Variants in TMPRSS12 observed in about 807,000 individuals in gnomAD.
TMPRSS12 encodes the protein transmembrane serine protease 12, also known as transmembrane protease serine 12.
TMPRSS12 carries 25 observed loss-of-function variants against 26.0 expected under a neutral mutation model. The observed-to-expected ratio is 0.96, with a 90% confidence interval of 0.70 to 1.34. The LOEUF (loss-of-function observed/expected upper bound fraction) is 1.34. TMPRSS12 is among the 40% of genes most tolerant of loss of function. The pLI is 0.00. For synonymous variants in TMPRSS12, 150 were observed against 161.7 expected (o/e 0.93, Z 0.55); for missense variants, 441 against 440.1 (o/e 1.00, Z -0.02).
chr12:50,845,241 C>A (rs1222431384), intron 2 of TMPRSS12, among the ~76,000 whole-genome samples: 1 of 152,172 alleles, frequency 6.6e-6, no homozygotes, highest in African/African-American at 2.4e-5. Flanking sequence ...TCTCAGTTCC[C>A]ATCCTTTTTG....
In TMPRSS12 at chr12:50,887,558, T is replaced by C; in HGVS notation, c.*45T>C. ...ATATCTTTATTTTGCATTGTGTCCC[T>C]TTCTATGTTCTATATAATGAACATC... On this transcript the variant is annotated 3_prime_UTR_variant, in exon 5 of 5. Transcript: ENST00000398458. 1.3e-6 allele frequency: 2 copies of C among 1,583,484 alleles called. No individual in the cohort carries two copies. Among genetic ancestry groups the C allele is most frequent in the South Asian group, 1.2e-5 (1 of 84,722 alleles).
intron 2 of TMPRSS12, among the ~76,000 whole-genome samples, chr12:50,846,441 A>G (rs1413197132): frequency 6.6e-6 from 1 of 152,228 alleles, no homozygotes; most frequent in African/African-American, 2.4e-5. Flanking sequence ...TTGAAAATCA[A>G]TTGATCATAT....
At position 50,842,931 on chromosome 12, in the gene TMPRSS12, G is replaced by A; in HGVS notation, c.-34G>A. Reference sequence around the variant, plus strand: ...CCCGCGTGCCCAGGGCGGGTGGGAAGTACCTGCCGCCATCTTGCTCACCAG... The same window carrying A: ...CCCGCGTGCCCAGGGCGGGTGGGAAATACCTGCCGCCATCTTGCTCACCAG... On this transcript the variant is annotated 5_prime_UTR_variant, in exon 1 of 5. Coordinates refer to ENST00000398458, the MANE Select transcript of TMPRSS12 (RefSeq NM_182559.3). The A allele has an allele frequency of 6.5e-7, 1 of 1,536,682 alleles. No individual in the cohort carries two copies. Among genetic ancestry groups the A allele is most frequent in the Non-Finnish European group, 8.8e-7 (1 of 1,136,482 alleles).
At chr12:50,872,519 CAAAAAAAAA>C in intron 3 of TMPRSS12, among the ~76,000 whole-genome samples, 1 of 39,840 alleles carries the variant, frequency 2.5e-5, no homozygotes, top group Admixed American at 3.3e-4. Flanking sequence ...GACTCCGTCT[CAAAAAAAAA>C]AAAAAAAAAA....
At chr12:50,865,675 A>G (rs1937984243) in intron 3 of TMPRSS12, among the ~76,000 whole-genome samples, 1 of 150,342 alleles carries the variant, frequency 6.7e-6, no homozygotes. Context: ...CCTTTCATAC[A>G]TTATACTGAA....
intron 3 of TMPRSS12, among the ~76,000 whole-genome samples, chr12:50,862,126 C>CA (rs1937942057): frequency 6.6e-6 from 1 of 152,128 alleles, no homozygotes; most frequent in South Asian, 2.1e-4. Flanking sequence ...TCATCTTTCA[C>CA]AATGTCATAC....
intron 2 of TMPRSS12, chr12:50,848,374 C>T (rs2139719760): frequency 6.6e-6 from 1 of 152,308 alleles, no homozygotes; most frequent in East Asian, 1.9e-4. Context: ...AAGAACCAGT[C>T]ATGGTCTTTA....
At chr12:50,863,337 G>A (rs552777298) in intron 3 of TMPRSS12, among the ~76,000 whole-genome samples, 5 of 151,690 alleles carry the variant, frequency 3.3e-5, no homozygotes, top group African/African-American at 1.2e-4. Context: ...TGCTAAACGT[G>A]TGTACACCAA....
intron 3 of TMPRSS12, among the ~76,000 whole-genome samples, chr12:50,875,723 C>G (rs1938107605): frequency 6.6e-6 from 1 of 152,070 alleles, no homozygotes; most frequent in African/African-American, 2.4e-5. Context: ...AACCAGACCT[C>G]TATCCTATCA....
chr12:50,852,695 A>G (rs1280900630), intron 2 of TMPRSS12, among the ~76,000 whole-genome samples: 2 of 152,204 alleles, frequency 1.3e-5, no homozygotes, highest in Non-Finnish European at 2.9e-5. Flanking sequence ...ATGAGCCACC[A>G]CACCCAGTCT....
rs765995615 is a variant in TMPRSS12 at position 50,887,545 on chromosome 12, T to C, written c.*32T>C. The C allele has an allele frequency of 3.8e-6, 6 of 1,597,406 alleles. No individual in the cohort carries two copies. In the Admixed American group the frequency reaches 8.8e-5, roughly 23 times the overall value. On this transcript the variant is annotated 3_prime_UTR_variant, in exon 5 of 5. Coordinates refer to ENST00000398458, the MANE Select transcript of TMPRSS12 (RefSeq NM_182559.3). The stretch of plus-strand genomic sequence containing the variant: ...TCTGAAGGCTTTCATATCTTTATTT[T>C]GCATTGTGTCCCTTTCTATGTTCTA...
At chr12:50,862,881 A>G (rs761307596) in intron 3 of TMPRSS12, among the ~76,000 whole-genome samples, 1 of 151,898 alleles carries the variant, frequency 6.6e-6, no homozygotes, top group Admixed American at 6.6e-5. Context: ...TAAAAAAAAA[A>G]GGAGGGAAAA....
intron 3 of TMPRSS12, among the ~76,000 whole-genome samples, chr12:50,881,299 AGT>A (rs1938161843): frequency 6.6e-6 from 1 of 151,980 alleles, no homozygotes; most frequent in African/African-American, 2.4e-5. Flanking sequence ...TCATTTCTTA[AGT>A]GTGGGGCTGG....
At chr12:50,873,179 A>G (rs953809633) in intron 3 of TMPRSS12, among the ~76,000 whole-genome samples, 9 of 151,150 alleles carry the variant, frequency 6.0e-5, no homozygotes, top group South Asian at 2.1e-4. Context: ...GACTTGGGGG[A>G]CTCAGGGGAA....
intron 3 of TMPRSS12, among the ~76,000 whole-genome samples, chr12:50,880,059 A>G (rs919253446): frequency 6.6e-6 from 1 of 152,216 alleles, no homozygotes; most frequent in Non-Finnish European, 1.5e-5. Context: ...TTGAAAACAC[A>G]TTTCACCAAG....
In TMPRSS12 at chr12:50,885,371, G is replaced by C. The variant is rs1171788476; in HGVS notation, c.778G>C (p.Ala260Pro). ...ATTTTGTGCAGGTGATGAAGATGGA[G>C]CTTTTGATACTTGCAGGGTAAGACC... The part of the protein sequence containing the change: ...TSFCAGDEDG[A>P]FDTCRGDSGG... Residue 260 changes from alanine to proline, a missense_variant, in exon 4 of 5, where the codon GCT becomes CCT. Physicochemically the swap from Ala to Pro is conservative, Grantham distance 27. Transcript: ENST00000398458. The C allele has an allele frequency of 6.2e-6, 10 of 1,613,684 alleles. No individual in the cohort carries two copies. Among genetic ancestry groups the C allele is most frequent in the Non-Finnish European group, 8.5e-6 (10 of 1,179,830 alleles).
chr12:50,870,040 G>A (rs1233376467), intron 3 of TMPRSS12, among the ~76,000 whole-genome samples: 1 of 152,062 alleles, frequency 6.6e-6, no homozygotes, highest in Non-Finnish European at 1.5e-5. Context: ...CTGAGATCGT[G>A]CCACTGCACT....
intron 3 of TMPRSS12, among the ~76,000 whole-genome samples, chr12:50,868,179 C>T (rs891262456): frequency 2.6e-5 from 4 of 152,168 alleles, no homozygotes; most frequent in Non-Finnish European, 5.9e-5. Flanking sequence ...GACCTAAATG[C>T]TCCACTTAAA....
chr12:50,878,880 C>A (rs1348110072), intron 3 of TMPRSS12, among the ~76,000 whole-genome samples: 1 of 152,132 alleles, frequency 6.6e-6, no homozygotes, highest in Non-Finnish European at 1.5e-5. Context: ...GGAAGTAGGG[C>A]CTTTTGAGAG....
Sources: allele counts gnomAD v4.1 joint callset (sites outside exome capture counted in the v4.1 genomes callset), GRCh38; gene constraint gnomAD v4.1.1; transcripts MANE v1.5; gene names NCBI Gene and HGNC (gene_info 2026-07-23, HGNC 2026-07-21).